Variants in KIRREL3 observed in about 807,000 individuals in gnomAD.
The protein encoded by KIRREL3 is kin of IRRE-like protein 3.
KIRREL3 carries 36 observed loss-of-function variants against 89.7 expected under a neutral mutation model. The observed-to-expected ratio is 0.40, with a 90% CI of 0.31 to 0.53. KIRREL3 has a LOEUF of 0.53. Among genes scored for constraint, KIRREL3 ranks in the 20% least tolerant of loss-of-function variants. The pLI is 0.49. For missense variants in KIRREL3, 864 were observed against 1,056.6 expected (o/e 0.82, Z 2.53); for synonymous variants, 445 against 441.4 (o/e 1.01, Z -0.10).
rs193213786 is a variant in KIRREL3 at position 126,994,274 on chromosome 11, A to T, written c.55+6181T>A. Among the ~76,000 whole-genome samples the T allele has an allele frequency of 1.3e-5, 2 of 152,292 alleles. No individual in the cohort carries two copies. The highest frequency in any genetic ancestry group is 3.9e-4 in the East Asian group (2 of 5,176). On this transcript the variant is annotated intron_variant, in intron 1 of 16. Coordinates refer to ENST00000525144, the MANE Select transcript of KIRREL3 (RefSeq NM_032531.4). This position sits in a 1 kb window ranked among gnomAD's most constrained non-coding sequence, Gnocchi z 5.2. ...TCCAGATGCCAGGAAAAACCTGTCCAGGGGATGCAGGCAGGTGTCTGTGTT... is the reference window on the plus strand; with the variant it reads ...TCCAGATGCCAGGAAAAACCTGTCCTGGGGATGCAGGCAGGTGTCTGTGTT...
chr11:126,727,354 A>T (rs1303802744), intron 1 of KIRREL3, among the ~76,000 whole-genome samples: 1 of 152,158 alleles, frequency 6.6e-6, no homozygotes, highest in East Asian at 1.9e-4. Flanking sequence ...AGTGTTCCCC[A>T]CCAGAAATGT....
chr11:126,864,199 C>T (rs191712798), intron 1 of KIRREL3, among the ~76,000 whole-genome samples: 3 of 152,328 alleles, frequency 2.0e-5, no homozygotes, highest in African/African-American at 7.2e-5. Flanking sequence ...TTATTATTCT[C>T]ATTTTAGGGA....
At chr11:126,887,766 C>T (rs756645017) in intron 1 of KIRREL3, among the ~76,000 whole-genome samples, 22 of 152,178 alleles carry the variant, frequency 1.4e-4, no homozygotes, top group Non-Finnish European at 1.9e-4. Context: ...TCTACTCAAC[C>T]GCTGAGTAAC....
Position 126,754,754 on chromosome 11 carries a change from G to T in KIRREL3, c.56-191842C>A, listed in dbSNP as rs908843618. The stretch of plus-strand genomic sequence containing the variant: ...CTTGATTAAGGCTTTGGGTCTACAG[G>T]TTGGAAGGATAGAAGCTGATGGTGA... On this transcript the variant is annotated intron_variant, in intron 1 of 16. Coordinates refer to ENST00000525144, the MANE Select transcript of KIRREL3 (RefSeq NM_032531.4). This position sits in a 1 kb window ranked among gnomAD's most constrained non-coding sequence, Gnocchi z 5.1. Among the ~76,000 whole-genome samples, 2 of 152,118 alleles carry T rather than the reference G, an allele frequency of 1.3e-5. No individual in the cohort carries two copies. The highest frequency in any genetic ancestry group is 2.9e-5 in the Non-Finnish European group (2 of 68,018).
chr11:126,487,924 A>G (rs1957410084), intron 4 of KIRREL3, among the ~76,000 whole-genome samples: 1 of 152,244 alleles, frequency 6.6e-6, no homozygotes, highest in Admixed American at 6.5e-5. Context: ...GAAACTTGGT[A>G]GCACCGCAGC....
chr11:126,773,323 G>A lies in KIRREL3; in HGVS notation c.56-210411C>T, dbSNP rs1950075451. Among the ~76,000 whole-genome samples, 1 of 152,168 alleles carries A rather than the reference G, an allele frequency of 6.6e-6. No individual in the cohort carries two copies. Among genetic ancestry groups the A allele is most frequent in the African/African-American group, 2.4e-5 (1 of 41,432 alleles). ...GCTTTGTCCCATCAGTTCAGGGCCAGAGTAGAACAAAAGGCTGGCCTCACC... is the reference window on the plus strand; with the variant it reads ...GCTTTGTCCCATCAGTTCAGGGCCAAAGTAGAACAAAAGGCTGGCCTCACC... On this transcript the variant is annotated intron_variant, in intron 1 of 16. Coordinates refer to ENST00000525144, the MANE Select transcript of KIRREL3 (RefSeq NM_032531.4). This position sits in a 1 kb window ranked among gnomAD's most constrained non-coding sequence, Gnocchi z 4.2.
rs1950186735 is a variant in KIRREL3 at position 126,996,708 on chromosome 11, C to G, written c.55+3747G>C. Among the ~76,000 whole-genome samples, 1 of 152,190 alleles carries G rather than the reference C, an allele frequency of 6.6e-6. No homozygotes were observed. The highest frequency in any genetic ancestry group is 1.5e-5 in the Non-Finnish European group (1 of 68,042). On this transcript the variant is annotated intron_variant, in intron 1 of 16. Coordinates refer to ENST00000525144, the MANE Select transcript of KIRREL3 (RefSeq NM_032531.4). The surrounding 1 kb of genome is among the most constrained non-coding windows in gnomAD (Gnocchi z 4.7). ...TGGTGTTTCCAGCCAGGCAGGAGAG[C>G]AAGTGGGCTGCTTAGATTCTTCCCA...
rs1365501193 is a variant in KIRREL3 at position 126,810,420 on chromosome 11, TTTC to T, written c.55+190032_55+190034del. On this transcript the variant is annotated intron_variant, in intron 1 of 16. Coordinates refer to ENST00000525144, the MANE Select transcript of KIRREL3 (RefSeq NM_032531.4). ...ACACACAAGGACTTGCTGGGAGGCCTTTCTTCTGGTCAGCACTTTAAAAATATT... is the reference window on the plus strand; with the variant it reads ...ACACACAAGGACTTGCTGGGAGGCCTTTCTGGTCAGCACTTTAAAAATATT... Among the ~76,000 whole-genome samples, 15 of 152,318 alleles carry T rather than the reference TTTC, an allele frequency of 9.8e-5. No individual in the cohort carries two copies. In the South Asian group the frequency reaches 1.0e-3, roughly 11 times the overall value.
intron 1 of KIRREL3, among the ~76,000 whole-genome samples, chr11:126,923,725 TGA>T (rs1947575593): frequency 6.6e-6 from 1 of 152,130 alleles, no homozygotes; most frequent in Non-Finnish European, 1.5e-5. Context: ...ATTACAGGCA[TGA>T]GCCACCGCAC....
chr11:126,424,297 C>T lies in KIRREL3; in HGVS notation c.*283G>A, dbSNP rs1449913494. On this transcript the variant is annotated 3_prime_UTR_variant, in exon 17 of 17. Coordinates refer to ENST00000525144, the MANE Select transcript of KIRREL3 (RefSeq NM_032531.4). The stretch of plus-strand genomic sequence containing the variant: ...GTGGGCAGAGCAGGTGGTAGAGGGG[C>T]CTCCAGGAAAGGGCCGGGGACACGG... 3 of 493,544 alleles carry T rather than the reference C, an allele frequency of 6.1e-6. No individual in the cohort carries two copies. The highest frequency in any genetic ancestry group is 3.4e-5 in the Admixed American group (1 of 29,730). The allele number at this position is 493,544 out of a possible 1,614,324, so 30.6% of individuals were successfully genotyped here. A position where few individuals can be genotyped will look rare whatever the true frequency, so the allele number is the denominator to read the frequency against.
rs1407448608 is a variant in KIRREL3, at chr11:126,900,921, G to A, written c.55+99534C>T. Among the ~76,000 whole-genome samples, 1 of 152,110 alleles carries A rather than the reference G, an allele frequency of 6.6e-6. No individual in the cohort carries two copies. The highest frequency in any genetic ancestry group is 1.5e-5 in the Non-Finnish European group (1 of 68,028). On this transcript the variant is annotated intron_variant, in intron 1 of 16. Coordinates refer to ENST00000525144, the MANE Select transcript of KIRREL3 (RefSeq NM_032531.4). The surrounding 1 kb of genome is among the most constrained non-coding windows in gnomAD (Gnocchi z 4.4). ...GTAGGAAAAAAGGGAAAGTTGGAAG[G>A]GGAGGATAGAAAGATAGGAACCTGA...
chr11:126,938,726 CA>C (rs1259524715), intron 1 of KIRREL3, among the ~76,000 whole-genome samples: 3 of 152,168 alleles, frequency 2.0e-5, no homozygotes, highest in Non-Finnish European at 4.4e-5. Context: ...TTTCTAGACA[CA>C]ATTTTCTTTT....
In KIRREL3 at chr11:126,921,963, ATATCTATCTATC is replaced by A. The variant is rs146200311; in HGVS notation, c.55+78480_55+78491del. 6.1e-3 allele frequency among the ~76,000 whole-genome samples: 854 copies of A among 139,996 alleles called. 5 individuals are homozygous for A. Among genetic ancestry groups the A allele is most frequent in the African/African-American group, 0.012 (437 of 36,590 alleles). The allele number at this position is 139,996 out of a possible 152,430, so 91.8% of individuals were successfully genotyped here. A position where few individuals can be genotyped will look rare whatever the true frequency, so the allele number is the denominator to read the frequency against. The stretch of plus-strand genomic sequence containing the variant: ...CTGTCTTCCTATCATCTGTATATCT[ATATCTATCTATC>A]TATCTATCTATCTATCTATCTATCT... On this transcript the variant is annotated intron_variant, in intron 1 of 16. Coordinates refer to ENST00000525144, the MANE Select transcript of KIRREL3 (RefSeq NM_032531.4).
At position 126,508,145 on chromosome 11, in the gene KIRREL3, A is replaced by T. The variant is rs764805807; in HGVS notation, c.433+13170T>A. Among the ~76,000 whole-genome samples, 2 of 152,204 alleles carry T rather than the reference A, an allele frequency of 1.3e-5. No individual in the cohort carries two copies. The highest frequency in any genetic ancestry group is 2.9e-5 in the Non-Finnish European group (2 of 68,044). ...CTCAGCTGCTAACATTGTTTCTGAC[A>T]TATTTTCACATGAAAACCTCTTCCT... On this transcript the variant is annotated intron_variant, in intron 4 of 16. Coordinates refer to ENST00000525144, the MANE Select transcript of KIRREL3 (RefSeq NM_032531.4). This position sits in a 1 kb window ranked among gnomAD's most constrained non-coding sequence, Gnocchi z 4.9.
Position 126,429,421 on chromosome 11 carries a change from C to A in KIRREL3, c.1697-133G>T. The A allele has an allele frequency of 1.5e-6, 1 of 662,122 alleles. No homozygotes were observed. Among genetic ancestry groups the A allele is most frequent in the South Asian group, 1.7e-5 (1 of 59,760 alleles). The allele number at this position is 662,122 out of a possible 1,614,324, so 41.0% of individuals were successfully genotyped here. The stretch of plus-strand genomic sequence containing the variant: ...CTCCAGCCCCTGAACTCAGCAGCTT[C>A]ACCAGCCCCCCACCAATAGAACCTC... On this transcript the variant is annotated intron_variant, in intron 14 of 16. Transcript: ENST00000525144. The surrounding 1 kb of genome is among the most constrained non-coding windows in gnomAD (Gnocchi z 5.2).
At chr11:126,833,188 A>T (rs1943667666) in intron 1 of KIRREL3, among the ~76,000 whole-genome samples, 2 of 152,228 alleles carry the variant, frequency 1.3e-5, no homozygotes, top group Non-Finnish European at 2.9e-5. Flanking sequence ...AGGCACAAGG[A>T]TGAAGCAAGC....
At chr11:126,621,339 C>G (rs750811577) in intron 1 of KIRREL3, among the ~76,000 whole-genome samples, 31 of 152,116 alleles carry the variant, frequency 2.0e-4, no homozygotes, top group Non-Finnish European at 3.7e-4. Flanking sequence ...TAGTACCCAG[C>G]TAAAGGAAAA....
chr11:126,697,852 C>A lies in KIRREL3; in HGVS notation c.56-134940G>T, dbSNP rs1170084511. ...CTGCTCTTGACAGTCATCTGAGGAT[C>A]TTTGTTGGTGATGAGGAGAGTGGGA... On this transcript the variant is annotated intron_variant, in intron 1 of 16. Transcript: ENST00000525144. This position sits in a 1 kb window ranked among gnomAD's most constrained non-coding sequence, Gnocchi z 4.2. Among the ~76,000 whole-genome samples, 2 of 152,084 alleles carry A rather than the reference C, an allele frequency of 1.3e-5. No homozygotes were observed. The highest frequency in any genetic ancestry group is 1.9e-4 in the East Asian group (1 of 5,194).
chr11:126,912,880 C>T lies in KIRREL3; in HGVS notation c.55+87575G>A, dbSNP rs78978781. Among the ~76,000 whole-genome samples the T allele has an allele frequency of 5.9e-5, 9 of 152,306 alleles. No homozygotes were observed. The East Asian group carries it at 1.4e-3, about 23-fold the overall frequency. ...CATTCATGATCATAATTACCAATGA[C>T]GCTTTATCGTGATGACAGAGGAGGG... On this transcript the variant is annotated intron_variant, in intron 1 of 16. Coordinates refer to ENST00000525144, the MANE Select transcript of KIRREL3 (RefSeq NM_032531.4). This position sits in a 1 kb window ranked among gnomAD's most constrained non-coding sequence, Gnocchi z 4.7.
Sources: allele counts gnomAD v4.1 joint callset (sites outside exome capture counted in the v4.1 genomes callset), GRCh38; gene constraint gnomAD v4.1.1; non-coding constraint Gnocchi (gnomAD v3.1); transcripts MANE v1.5; gene names NCBI Gene and HGNC (gene_info 2026-07-23, HGNC 2026-07-21).